NLRC3: variants seen among roughly 807,000 people sequenced by gnomAD.
The protein encoded by NLRC3 is NLR family CARD domain containing 3.
NLRC3 carries 87 observed loss-of-function variants against 91.6 expected under a neutral mutation model. The ratio of observed to expected loss-of-function variants is 0.95; its 90% confidence interval spans 0.80 to 1.14. The LOEUF (loss-of-function observed/expected upper bound fraction) is 1.14. Ranked by LOEUF, NLRC3 falls within the 50% of genes most tolerant of loss-of-function variation. NLRC3 has a pLI of 0.00. For synonymous variants in NLRC3, 694 were observed against 625.3 expected (o/e 1.11, Z -1.64); for missense variants, 1,577 against 1,418.6 (o/e 1.11, Z -1.79).
chr16:3,556,850 G>A (rs2039360473), intron 8 of NLRC3, 61 bp downstream of exon 8: 2 of 1,162,650 alleles, frequency 1.7e-6, no homozygotes, highest in African/African-American at 1.5e-5. Context: ...GGTGGTGCCT[G>A]AGGAGAGGGT....
chr16:3,574,425 C>T (rs1401721764), intron 1 of NLRC3, among the ~76,000 whole-genome samples: 1 of 152,008 alleles, frequency 6.6e-6, no homozygotes, highest in African/African-American at 2.4e-5. Context: ...ACCACGGGAC[C>T]CGAGCGGGGC....
rs1323946693 is a variant in NLRC3 at position 3,564,368 on chromosome 16, G to A, written c.569C>T (p.Ala190Val). Residue 190 changes from alanine to valine, a missense_variant, in exon 5 of 20, where the codon GCC becomes GTC. By Grantham distance (64) the Ala-to-Val change is moderately conservative (BLOSUM62 0). Coordinates refer to ENST00000359128, the MANE Select transcript of NLRC3 (RefSeq NM_178844.4). The surrounding 1 kb of genome is among the most constrained non-coding windows in gnomAD (Gnocchi z 5.9). ...GAAGACCGAGCAGATGAGTCGGTCG[G>A]CACACAGCTTCTCGTGGGTGTTGAG... ...RDLNTHEKLC[A>V]DRLICSVFPH... 1 of 1,612,212 alleles carries A rather than the reference G, an allele frequency of 6.2e-7. No homozygotes were observed.
intron 16 of NLRC3, 84 bp from the exon 17 acceptor site, chr16:3,543,592 C>G (rs547465936): frequency 1.0e-4 from 92 of 905,720 alleles, no homozygotes; most frequent in Non-Finnish European, 1.5e-4. Context: ...CACCCCTTGA[C>G]TCAGGATGGA....
rs2038905391 is a variant in NLRC3, at chr16:3,549,884, G to T, written c.2436-104C>A. On this transcript the variant is annotated intron_variant, in intron 11 of 19. Transcript: ENST00000359128. ...GGCACTGGGCTCAACAGGGAGTTGG[G>T]GGCTCCAGGGACAGTGGTGGCCACA... is the stretch of plus-strand genomic sequence containing the variant. 4.2e-6 allele frequency: 3 copies of T among 709,594 alleles called. No individual in the cohort carries two copies. The South Asian group carries it at 5.2e-5, about 12-fold the overall frequency. 44.0% of individuals were successfully genotyped at this position (709,594 alleles called of 1,614,324 possible).
rs1284727219 is a variant in NLRC3 at position 3,542,705 on chromosome 16, G to A, written c.3010C>T (p.Leu1004Phe). Residue 1004 changes from leucine to phenylalanine, a missense_variant, in exon 18 of 20, where the codon CTC becomes TTC. Transcript: ENST00000359128. ...CCAGCCACTTACTTGAGTCTCCGGA[G>A]ACTTGAGTTTACCTTCAGAGCATTT... ...LANALKVNSS[L>F]RRLNLQENSL... 3.1e-6 allele frequency: 5 copies of A among 1,608,966 alleles called. No individual in the cohort carries two copies. Among genetic ancestry groups the A allele is most frequent in the Non-Finnish European group, 4.2e-6 (5 of 1,176,974 alleles).
chr16:3,564,135 G>A lies in NLRC3; in HGVS notation c.802C>T (p.Arg268Cys), dbSNP rs201264477. Residue 268 changes from arginine to cysteine, a missense_variant, in exon 5 of 20, where the codon CGT becomes TGT. Physicochemically the swap from Arg to Cys is radical, Grantham distance 180 (BLOSUM62 -3). Coordinates refer to ENST00000359128, the MANE Select transcript of NLRC3 (RefSeq NM_178844.4). The surrounding 1 kb of genome is among the most constrained non-coding windows in gnomAD (Gnocchi z 5.9). ...FPEVSIWITS[R>C]PSASGQIPGG... is the part of the protein sequence containing the mutation. The stretch of plus-strand genomic sequence containing the variant: ...GGGATCTGGCCAGATGCACTGGGAC[G>A]GGAGGTGATCCAGATGGAAACTTCC... The A allele has an allele frequency of 4.2e-4, 680 of 1,613,682 alleles. 2 individuals carry two copies. Among genetic ancestry groups the A allele is most frequent in the South Asian group, 1.6e-3 (150 of 91,084 alleles).
chr16:3,572,505 C>G (rs978300386), intron 1 of NLRC3, among the ~76,000 whole-genome samples: 1 of 152,168 alleles, frequency 6.6e-6, no homozygotes, highest in African/African-American at 2.4e-5. Context: ...CTAGGCTGGT[C>G]TCCAACTTCT....
rs761865835 is a variant in NLRC3 at position 3,549,221 on chromosome 16, G to A, written c.2524C>T (p.Arg842Ter). ...TNQTLLSLSL[R>*]ENSISPEGAQ... ...CCCTCGGGACTGATGGAGTTTTCTCGAAGGCTGAAAAAAAAGGAAAGACCT... is the reference window on the plus strand; with the variant it reads ...CCCTCGGGACTGATGGAGTTTTCTCAAAGGCTGAAAAAAAAGGAAAGACCT... The change falls in exon 13 of 20, where the codon CGA (arginine) becomes TGA (stop). Residue 842 changes from arginine (R) to a stop codon, truncating the protein, a stop_gained. Coordinates refer to ENST00000359128, the MANE Select transcript of NLRC3 (RefSeq NM_178844.4). LOFTEE classifies it high-confidence loss of function. The A allele has an allele frequency of 4.4e-6, 7 of 1,577,210 alleles. No homozygotes were observed. The highest frequency in any genetic ancestry group is 1.2e-5 in the South Asian group (1 of 85,872).
chr16:3,556,910 C>T lies in NLRC3; in HGVS notation c.2183+1G>A, dbSNP rs1309920678. ...CAACACAGGGAGCAGGTGACACACA[C>T]CTCAGGGAGGTCAGGGTGCGGTTGA... On this transcript the variant is annotated splice_donor_variant, in intron 8 of 19. Coordinates refer to ENST00000359128, the MANE Select transcript of NLRC3 (RefSeq NM_178844.4). LOFTEE classifies it high-confidence loss of function. The T allele has an allele frequency of 6.2e-7, 1 of 1,610,672 alleles. No individual in the cohort carries two copies. The highest frequency in any genetic ancestry group is 8.5e-7 in the Non-Finnish European group (1 of 1,177,498).
At position 3,564,051 on chromosome 16, in the gene NLRC3, C is replaced by G. The variant is rs898456779; in HGVS notation, c.886G>C (p.Val296Leu). The G allele has an allele frequency of 6.2e-7, 1 of 1,612,706 alleles. No individual in the cohort carries two copies. The highest frequency in any genetic ancestry group is 8.5e-7 in the Non-Finnish European group (1 of 1,179,892). Reference sequence around the variant, plus strand: ...TCGGGGAACATCTGCTCCAAACACACCTTGATCTCCTCCTCGTTAAAGCCC... The same window carrying G: ...TCGGGGAACATCTGCTCCAAACACAGCTTGATCTCCTCCTCGTTAAAGCCC... ...IRGFNEEEIKVCLEQMFPEDQ... is the reference protein window; with the variant it reads ...IRGFNEEEIKLCLEQMFPEDQ... The change falls in exon 5 of 20, where the codon GTG becomes CTG. Residue 296 changes from valine (V) to leucine (L), a missense_variant. Physicochemically the swap from Val to Leu is conservative, Grantham distance 32. Transcript: ENST00000359128. The surrounding 1 kb of genome is among the most constrained non-coding windows in gnomAD (Gnocchi z 5.9).
intron 5 of NLRC3, among the ~76,000 whole-genome samples, chr16:3,562,575 C>T (rs531687411): frequency 2.0e-3 from 305 of 152,066 alleles, no homozygotes; most frequent in Middle Eastern, 3.4e-3. Flanking sequence ...CAGGAGGCAG[C>T]GTTTGCAGTG....
rs74764571 is a variant in NLRC3, at chr16:3,557,645, C to A, written c.2047G>T (p.Ala683Ser). Residue 683 changes from alanine to serine, a missense_variant, in exon 7 of 20, where the codon GCC (alanine) becomes TCC (serine). By Grantham distance (99) the Ala-to-Ser change is moderately conservative. Transcript: ENST00000359128. ...AAGAGGGATCTGGCCAGAGCTTTGG[C>A]CCCTTTGTTACTGATCTGGTTCTCC... ...LAENQISNKG[A>S]KALARSLLVN... 1 of 1,613,636 alleles carries A rather than the reference C, an allele frequency of 6.2e-7. No homozygotes were observed. Among genetic ancestry groups the A allele is most frequent in the East Asian group, 2.2e-5 (1 of 44,876 alleles).
intron 1 of NLRC3, among the ~76,000 whole-genome samples, chr16:3,569,374 A>G (rs1281844111): frequency 8.2e-5 from 1 of 12,182 alleles, no homozygotes; most frequent in South Asian, 4.1e-3. Context: ...TGAAAACCAT[A>G]TATATATATA....
chr16:3,550,328 G>A (rs528740089), intron 11 of NLRC3, 86 bp downstream of exon 11: 2 of 843,058 alleles, frequency 2.4e-6, no homozygotes, highest in Admixed American at 2.0e-5. Flanking sequence ...ATGGCCCTGG[G>A]GGACAGCCAT....
At chr16:3,558,187 T>A (rs2039439945) in intron 6 of NLRC3, among the ~76,000 whole-genome samples, 1 of 151,068 alleles carries the variant, frequency 6.6e-6, no homozygotes, top group Non-Finnish European at 1.5e-5. Flanking sequence ...ACGAAAAACA[T>A]AAAAATTAGT....
chr16:3,542,873 A>G, intron 17 of NLRC3, 98 bp from the exon 18 acceptor site: 1 of 759,232 alleles, frequency 1.3e-6, no homozygotes, highest in Admixed American at 2.2e-5. Context: ...TAGAGGAAAC[A>G]AGGACTTCAG....
In NLRC3 at chr16:3,541,304, A is replaced by G. The variant is rs1174931073; in HGVS notation, c.*521T>C. 6.6e-6 allele frequency: 1 copy of G among 152,438 alleles called. No homozygotes were observed. Among genetic ancestry groups the G allele is most frequent in the Non-Finnish European group, 1.5e-5 (1 of 68,216 alleles). The allele number at this position is 152,438 out of a possible 1,614,324, so 9.4% of individuals were successfully genotyped here. A position where few individuals can be genotyped will look rare whatever the true frequency, so the allele number is the denominator to read the frequency against. On this transcript the variant is annotated 3_prime_UTR_variant, in exon 20 of 20. Coordinates refer to ENST00000359128, the MANE Select transcript of NLRC3 (RefSeq NM_178844.4). Reference sequence around the variant, plus strand: ...TTTCATTTATCTTCACAATTTTCCCATAGCTTTTTCATGTCTGTAAGGATG... The same window carrying G: ...TTTCATTTATCTTCACAATTTTCCCGTAGCTTTTTCATGTCTGTAAGGATG...
At chr16:3,542,394 T>A in intron 18 of NLRC3, 120 bp from the exon 19 acceptor site, 1 of 707,990 alleles carries the variant, frequency 1.4e-6, no homozygotes, top group South Asian at 1.6e-5. Flanking sequence ...ACAGGTGCCA[T>A]GGCAACTCCA....
intron 13 of NLRC3, 102 bp downstream of exon 13, chr16:3,549,040 C>T: frequency 3.2e-6 from 3 of 933,934 alleles, no homozygotes; most frequent in South Asian, 2.9e-5. Flanking sequence ...CCAGCTCCTT[C>T]TCCAACCCTG....
Sources: gnomAD v4.1 joint callset for allele counts (sites outside exome capture counted in the v4.1 genomes callset) on GRCh38, gnomAD v4.1.1 for gene constraint, Gnocchi (gnomAD v3.1) non-coding constraint, MANE v1.5 for transcripts, NCBI Gene and HGNC (gene_info 2026-07-23, HGNC 2026-07-21) for gene names.